SERINC5: variants seen among roughly 807,000 people sequenced by gnomAD.
SERINC5 encodes the protein serine incorporator 5.
In SERINC5, 41 loss-of-function variants were observed where a neutral mutation model predicts 63.1. The observed-to-expected ratio is 0.65, with a 90% CI of 0.51 to 0.84. The LOEUF (loss-of-function observed/expected upper bound fraction) is 0.84. Ranked by LOEUF, SERINC5 falls within the 40% of genes least tolerant of loss-of-function variation. SERINC5 has a pLI of 0.00. For missense variants in SERINC5, 523 were observed against 573.0 expected (o/e 0.91, Z 0.89); for synonymous variants, 222 against 215.2 (o/e 1.03, Z -0.28).
At position 80,196,489 on chromosome 5, in the gene SERINC5, G is replaced by T. The variant is rs2112473546; in HGVS notation, c.195+6397C>A. On this transcript the variant is annotated intron_variant, in intron 2 of 11. Transcript: ENST00000507668. ...AAAATAATATGGCGGTTCCTCAAGA[G>T]CTTAAAATTACTACACAATCCAGCA... Among the ~76,000 whole-genome samples, 2 of 152,196 alleles carry T rather than the reference G, an allele frequency of 1.3e-5. 1 individual carries two copies.
Position 80,143,549 on chromosome 5 carries a change from G to T in SERINC5, c.*114C>A. On this transcript the variant is annotated 3_prime_UTR_variant, in exon 12 of 12. Coordinates refer to ENST00000507668, the MANE Select transcript of SERINC5 (RefSeq NM_001174072.3). Reference sequence around the variant, plus strand: ...GAGATTTTTTTTTTTCTCTCTCAAAGCTTTTTCAGACCCACTCAGGCACAG... The same window carrying T: ...GAGATTTTTTTTTTTCTCTCTCAAATCTTTTTCAGACCCACTCAGGCACAG... 1 of 1,360,732 alleles carries T rather than the reference G, an allele frequency of 7.3e-7. No homozygotes were observed. Among genetic ancestry groups the T allele is most frequent in the Non-Finnish European group, 9.5e-7 (1 of 1,057,930 alleles). The allele number at this position is 1,360,732 out of a possible 1,614,324, so 84.3% of individuals were successfully genotyped here.
At chr5:80,192,315 G>A (rs1207566005) in intron 2 of SERINC5, among the ~76,000 whole-genome samples, 4 of 152,142 alleles carry the variant, frequency 2.6e-5, no homozygotes, top group South Asian at 2.1e-4. Context: ...TTTGGGCTGC[G>A]GTCCAGCTGT....
Position 80,169,374 on chromosome 5 carries a change from G to C in SERINC5, c.724C>G (p.Leu242Val), listed in dbSNP as rs1273070025. 4.3e-6 allele frequency: 7 copies of C among 1,613,862 alleles called. No homozygotes were observed. Among genetic ancestry groups the C allele is most frequent in the Non-Finnish European group, 5.9e-6 (7 of 1,179,870 alleles). Residue 242 changes from leucine to valine, a missense_variant, in exon 6 of 12, where the codon CTT becomes GTT. By Grantham distance (32) the Leu-to-Val change is conservative (BLOSUM62 1). Transcript: ENST00000507668. ...LLGVNGGLCL[L>V]ISLVAISPWV... The stretch of plus-strand genomic sequence containing the variant: ...GGTGAGATGGCTACCAATGATATAA[G>C]CAGGCACAGGCCTCCATTTACTCCC...
chr5:80,135,102 T>C (rs967861730), downstream of SERINC5, among the ~76,000 whole-genome samples: 2 of 152,208 alleles, frequency 1.3e-5, no homozygotes, highest in African/African-American at 4.8e-5. Flanking sequence ...TCTCCTCCGT[T>C]GCCCAGGCTG....
At chr5:80,248,915 G>A (rs1004732184) in intron 1 of SERINC5, among the ~76,000 whole-genome samples, 5 of 152,086 alleles carry the variant, frequency 3.3e-5, no homozygotes, top group Non-Finnish European at 7.3e-5. Context: ...TGAAATTAGG[G>A]ATTTTTTTTC....
chr5:80,123,756 G>A (rs1345908270), intron 11 of SERINC5, among the ~76,000 whole-genome samples: 4 of 152,148 alleles, frequency 2.6e-5, no homozygotes, highest in African/African-American at 7.2e-5. Flanking sequence ...ACCTGAGAAC[G>A]TGCAGGGTCC....
intron 1 of SERINC5, among the ~76,000 whole-genome samples, chr5:80,204,188 G>A (rs1750036125): frequency 6.6e-6 from 1 of 152,136 alleles, no homozygotes; most frequent in African/African-American, 2.4e-5. Flanking sequence ...TGAGTTCTGT[G>A]ATCCATTCTA....
Position 80,173,301 on chromosome 5 carries a change from TGAAAA to T in SERINC5, c.551+1648_551+1652del, listed in dbSNP as rs200217250. ...AGGAAGAAAATGAAATGAAATGAAA[TGAAAA>T]GAAAAGAAGCCGGGTGCAGTGGCTC... is the stretch of plus-strand genomic sequence containing the variant. On this transcript the variant is annotated intron_variant, in intron 5 of 11. Transcript: ENST00000507668. Among the ~76,000 whole-genome samples the T allele has an allele frequency of 6.3e-4, 94 of 149,972 alleles. 1 individual carries two copies. The East Asian group carries it at 0.017, about 27-fold the overall frequency.
At chr5:80,254,435 C>G (rs775134938) in intron 1 of SERINC5, among the ~76,000 whole-genome samples, 3 of 152,104 alleles carry the variant, frequency 2.0e-5, no homozygotes, top group Non-Finnish European at 2.9e-5. Context: ...TTTACAAAAC[C>G]CATTTGAATA....
chr5:80,135,813 T>G (rs1269095224), downstream of SERINC5, among the ~76,000 whole-genome samples: 5 of 148,224 alleles, frequency 3.4e-5, no homozygotes, highest in Admixed American at 3.4e-4. Flanking sequence ...AGCAACTAGA[T>G]AGCACAATCA....
intron 11 of SERINC5, among the ~76,000 whole-genome samples, chr5:80,145,544 T>G (rs141982545): frequency 6.6e-6 from 1 of 152,058 alleles, no homozygotes; most frequent in Non-Finnish European, 1.5e-5. Context: ...GGGAAAAAGA[T>G]ACACAAAATT....
At chr5:80,135,206 G>A (rs909431885), downstream of SERINC5, among the ~76,000 whole-genome samples, 17 of 152,306 alleles carry the variant, frequency 1.1e-4, no homozygotes, top group South Asian at 2.5e-3. Context: ...CCTAATTTTT[G>A]TATTTTTTGT....
At chr5:80,252,493 A>G (rs973804930) in intron 1 of SERINC5, among the ~76,000 whole-genome samples, 2 of 151,716 alleles carry the variant, frequency 1.3e-5, no homozygotes, top group Admixed American at 6.6e-5. Flanking sequence ...TTGAACCCAT[A>G]AAGTGTTGAG....
At chr5:80,117,013 T>C (rs1427852608) in intron 11 of SERINC5, among the ~76,000 whole-genome samples, 7 of 151,918 alleles carry the variant, frequency 4.6e-5, no homozygotes, top group African/African-American at 1.2e-4. Context: ...TGTTTTTTAG[T>C]AGAGACGGGG....
Position 80,174,963 on chromosome 5 carries a change from T to C in SERINC5, c.542A>G (p.Asn181Ser). 1 of 1,597,100 alleles carries C rather than the reference T, an allele frequency of 6.3e-7. No individual in the cohort carries two copies. Among genetic ancestry groups the C allele is most frequent in the South Asian group, 1.1e-5 (1 of 87,920 alleles). Residue 181 changes from asparagine to serine, a missense_variant, in exon 5 of 12, where the codon AAC (asparagine) becomes AGC (serine). Transcript: ENST00000507668. ...LLLVEFAHKW[N>S]KNWTAGTASN... is the part of the protein sequence containing the mutation. ...CCATAAAGGCACACACCAGTTCTTG[T>C]TCCACTTATGTGCAAACTCCACGAG...
intron 4 of SERINC5, among the ~76,000 whole-genome samples, chr5:80,175,963 A>G (rs888919210): frequency 2.0e-5 from 3 of 151,698 alleles, no homozygotes; most frequent in Non-Finnish European, 2.9e-5. Flanking sequence ...GGCGGATCAC[A>G]AGGTCAGGAG....
chr5:80,184,707 G>A (rs554240761), intron 2 of SERINC5, among the ~76,000 whole-genome samples: 8 of 152,202 alleles, frequency 5.3e-5, no homozygotes, highest in African/African-American at 9.6e-5. Context: ...AATTTGCTCC[G>A]ATTAAATATT....
At position 80,140,289 on chromosome 5, in the gene SERINC5, A is replaced by G; in HGVS notation, c.*3374T>C. On this transcript the variant is annotated 3_prime_UTR_variant, in exon 12 of 12. Coordinates refer to ENST00000507668, the MANE Select transcript of SERINC5 (RefSeq NM_001174072.3). ...GTCACTGCACTCCAGCGTGGCTGAC[A>G]GAGTGAGCCCGTCTCCAAAAAAAAA... is the stretch of plus-strand genomic sequence containing the variant. The G allele has an allele frequency of 5.4e-6, 5 of 930,174 alleles. No homozygotes were observed. Among genetic ancestry groups the G allele is most frequent in the Non-Finnish European group, 6.2e-6 (5 of 802,124 alleles). The allele number at this position is 930,174 out of a possible 1,614,324, so 57.6% of individuals were successfully genotyped here.
intron 5 of SERINC5, among the ~76,000 whole-genome samples, chr5:80,171,100 T>G (rs1747624901): frequency 6.6e-6 from 1 of 152,064 alleles, no homozygotes. Context: ...AACCCCCGCC[T>G]CCCAGGTTCA....
Sources: gnomAD v4.1 joint callset for allele counts (sites outside exome capture counted in the v4.1 genomes callset) on GRCh38, gnomAD v4.1.1 for gene constraint, MANE v1.5 for transcripts, NCBI Gene and HGNC (gene_info 2026-07-23, HGNC 2026-07-21) for gene names.